CSMD3: variants seen among roughly 807,000 people sequenced by gnomAD.
CSMD3 encodes CUB and Sushi multiple domains 3.
A neutral mutation model predicts 435.2 loss-of-function variants in CSMD3; 177 were observed. That is an observed-to-expected ratio of 0.41 (90% CI 0.36 to 0.46). The LOEUF (loss-of-function observed/expected upper bound fraction) is 0.46. Among genes scored for constraint, CSMD3 ranks in the 20% least tolerant of loss-of-function variants. The pLI is 0.34. For synonymous variants in CSMD3, 1,656 were observed against 1,520.5 expected, an observed-to-expected ratio of 1.09 and a Z score of -2.07; for missense variants, 4,265 against 4,504.6, an observed-to-expected ratio of 0.95 and a Z score of 1.52.
Position 112,301,777 on chromosome 8 carries a change from A to C in CSMD3, c.8440+16T>G. 6.2e-7 allele frequency: 1 copy of C among 1,609,356 alleles called. No individual in the cohort carries two copies. Among genetic ancestry groups the C allele is most frequent in the Non-Finnish European group, 8.5e-7 (1 of 1,175,826 alleles). ...GGCAGGGGGAAGTTTGACAAAAACA[A>C]ATTAAAAATCTGTACCTAGGCATCT... On this transcript the variant is annotated intron_variant, in intron 53 of 70. Transcript: ENST00000297405.
intron 68 of CSMD3, among the ~76,000 whole-genome samples, chr8:112,232,415 C>T (rs1313997712): frequency 1.3e-5 from 2 of 152,106 alleles, no homozygotes; most frequent in Non-Finnish European, 2.9e-5. Flanking sequence ...TGAGACCAGC[C>T]TAGCCAACAT....
chr8:112,472,556 A>G (rs1161696239), intron 32 of CSMD3, 35 bp downstream of exon 32: 2 of 1,098,378 alleles, frequency 1.8e-6, no homozygotes, highest in Non-Finnish European at 2.8e-6. Context: ...GCATGTCTGG[A>G]TGAAATACTA....
chr8:113,008,347 C>T (rs1398294147), intron 6 of CSMD3, among the ~76,000 whole-genome samples: 1 of 151,740 alleles, frequency 6.6e-6, no homozygotes, highest in Non-Finnish European at 1.5e-5. Context: ...GTATCATGTT[C>T]TCTCAGTGTA....
At chr8:113,393,093 T>C (rs1409797225) in intron 1 of CSMD3, among the ~76,000 whole-genome samples, 2 of 151,986 alleles carry the variant, frequency 1.3e-5, no homozygotes, top group Admixed American at 6.6e-5. Flanking sequence ...TTATAACATA[T>C]AATGCTCACA....
chr8:112,439,187 C>T (rs775822619), intron 32 of CSMD3, among the ~76,000 whole-genome samples: 1 of 152,152 alleles, frequency 6.6e-6, no homozygotes. Flanking sequence ...GTTGCCCAGG[C>T]TAGAGTGCAG....
chr8:113,037,115 T>C (rs1054297989), intron 5 of CSMD3, among the ~76,000 whole-genome samples: 13 of 152,116 alleles, frequency 8.5e-5, no homozygotes, highest in Non-Finnish European at 1.5e-4. Flanking sequence ...ATTGCAAATA[T>C]TGCTATTTTA....
chr8:113,234,861 A>G (rs960813967), intron 3 of CSMD3, among the ~76,000 whole-genome samples: 1 of 152,108 alleles, frequency 6.6e-6, no homozygotes, highest in African/African-American at 2.4e-5. Flanking sequence ...CAGCTTAAAG[A>G]AACTGGGTTT....
At chr8:113,226,243 C>A (rs181652463) in intron 3 of CSMD3, among the ~76,000 whole-genome samples, 2 of 151,454 alleles carry the variant, frequency 1.3e-5, no homozygotes, top group African/African-American at 4.8e-5. Context: ...GTATTTTCCT[C>A]ATAAGAAGGA....
At chr8:112,388,859 G>T (rs1287686387) in intron 36 of CSMD3, among the ~76,000 whole-genome samples, 2 of 152,134 alleles carry the variant, frequency 1.3e-5, no homozygotes, top group Non-Finnish European at 2.9e-5. Context: ...AAAGTGAAAT[G>T]AACAAAGGCC....
intron 19 of CSMD3, among the ~76,000 whole-genome samples, chr8:112,646,167 C>T (rs1270149793): frequency 1.3e-5 from 2 of 152,128 alleles, no homozygotes; most frequent in African/African-American, 4.8e-5. Flanking sequence ...AATGAAATGT[C>T]TACTGAGTTA....
intron 1 of CSMD3, among the ~76,000 whole-genome samples, chr8:113,391,661 C>T (rs763864695): frequency 1.3e-5 from 2 of 151,908 alleles, no homozygotes; most frequent in African/African-American, 2.4e-5. Context: ...CTATGAATGT[C>T]AGATGTGAGA....
At chr8:113,026,197 TG>T (rs1025440056) in intron 5 of CSMD3, among the ~76,000 whole-genome samples, 4 of 152,180 alleles carry the variant, frequency 2.6e-5, no homozygotes, top group Non-Finnish European at 5.9e-5. Flanking sequence ...CGGGGACTGC[TG>T]GTGGCCTCCA....
At chr8:113,065,603 T>C (rs1384489995) in intron 5 of CSMD3, among the ~76,000 whole-genome samples, 2 of 152,212 alleles carry the variant, frequency 1.3e-5, no homozygotes, top group African/African-American at 2.4e-5. Context: ...TTAGCCAAGA[T>C]GGTCTCGATC....
At chr8:112,511,792 T>C (rs1010843044) in intron 28 of CSMD3, among the ~76,000 whole-genome samples, 3 of 152,216 alleles carry the variant, frequency 2.0e-5, no homozygotes, top group Non-Finnish European at 4.4e-5. Flanking sequence ...GTAGAACTTC[T>C]TGGAGACACT....
At chr8:112,804,326 A>G (rs1444367897) in intron 12 of CSMD3, among the ~76,000 whole-genome samples, 2 of 92,572 alleles carry the variant, frequency 2.2e-5, no homozygotes, top group Non-Finnish European at 6.2e-5. Flanking sequence ...AGAAGAAAAT[A>G]AATTAAAAAA....
intron 28 of CSMD3, among the ~76,000 whole-genome samples, chr8:112,515,605 G>A (rs1823589585): frequency 6.6e-6 from 1 of 152,020 alleles, no homozygotes; most frequent in Admixed American, 6.6e-5. Flanking sequence ...GAACAATATG[G>A]GTGTGAATAG....
intron 40 of CSMD3, among the ~76,000 whole-genome samples, chr8:112,347,041 C>A (rs1167145179): frequency 2.0e-5 from 3 of 151,902 alleles, no homozygotes; most frequent in African/African-American, 7.3e-5. Context: ...TTAGATATGG[C>A]CTTATTTTAT....
intron 25 of CSMD3, among the ~76,000 whole-genome samples, chr8:112,554,962 C>T (rs1231335740): frequency 1.3e-5 from 2 of 151,894 alleles, no homozygotes; most frequent in Non-Finnish European, 2.9e-5. Flanking sequence ...AGTGTTAAAG[C>T]TATTAATCAT....
At position 112,335,575 on chromosome 8, in the gene CSMD3, C is replaced by T. The variant is rs543430000; in HGVS notation, c.7020-101G>A. 4.3e-4 allele frequency: 439 copies of T among 1,028,124 alleles called. 6 individuals carry two copies. Among genetic ancestry groups the T allele is most frequent in the South Asian group, 4.3e-3 (318 of 74,580 alleles). The allele number at this position is 1,028,124 out of a possible 1,614,324, so 63.7% of individuals were successfully genotyped here. On this transcript the variant is annotated intron_variant, in intron 44 of 70. Coordinates refer to ENST00000297405, the MANE Select transcript of CSMD3 (RefSeq NM_198123.2). ...AGTATTGCATATATTTATATTCTAA[C>T]GTATCAATAATAAAGATGCAGGAAG...
Sources: allele counts gnomAD v4.1 joint callset (sites outside exome capture counted in the v4.1 genomes callset), GRCh38; gene constraint gnomAD v4.1.1; transcripts MANE v1.5; gene names NCBI Gene and HGNC (gene_info 2026-07-23, HGNC 2026-07-21).